Variants in MALRD1 observed in about 807,000 individuals in gnomAD.
The protein encoded by MALRD1 is MAM and LDL receptor class A domain containing 1, also known as MAM and LDL-receptor class A domain-containing protein 1.
A neutral mutation model predicts 242.1 loss-of-function variants in MALRD1; 247 were observed. That is an observed-to-expected ratio of 1.02 (90% CI 0.92 to 1.13). The LOEUF (loss-of-function observed/expected upper bound fraction) is 1.13, where lower values mean the gene tolerates loss of function less well. Ranked by LOEUF, MALRD1 falls within the 50% of genes most tolerant of loss-of-function variation. The pLI, the probability that MALRD1 is intolerant of heterozygous loss-of-function variation, is 0.00. For synonymous variants in MALRD1, 995 were observed against 866.6 expected, an observed-to-expected ratio of 1.15 and a Z score of -2.60; for missense variants, 2,989 against 2,533.1, an observed-to-expected ratio of 1.18 and a Z score of -3.86.
chr10:19,693,755 C>T (rs1228615322), intron 38 of MALRD1, among the ~76,000 whole-genome samples: 3 of 152,250 alleles, frequency 2.0e-5, no homozygotes, highest in East Asian at 3.9e-4. Flanking sequence ...CAAAAAAGAG[C>T]CCGCATTGCC....
chr10:19,686,097 G>A (rs59849389), intron 36 of MALRD1, among the ~76,000 whole-genome samples: 2 of 152,008 alleles, frequency 1.3e-5, no homozygotes, highest in Non-Finnish European at 2.9e-5. Flanking sequence ...TCCACCGAGG[G>A]GCATAAGACA....
At chr10:19,079,908 C>G (rs1835429939) in intron 2 of MALRD1, among the ~76,000 whole-genome samples, 1 of 151,998 alleles carries the variant, frequency 6.6e-6, no homozygotes, top group African/African-American at 2.4e-5. Context: ...AGCTGATAAG[C>G]AACTTCAGCA....
Position 19,194,844 on chromosome 10 carries a change from T to C in MALRD1, c.1952-8884T>C, listed in dbSNP as rs146254626. 7.9e-5 allele frequency among the ~76,000 whole-genome samples: 12 copies of C among 152,322 alleles called. No homozygotes were observed. In the East Asian group the frequency reaches 2.3e-3, roughly 29 times the overall value. ...AATCAGGACCCACAAGGGCCTTATA[T>C]TGTTACATCTAAAAGTCAATTCTTA... On this transcript the variant is annotated intron_variant, in intron 14 of 39. Coordinates refer to ENST00000454679, the MANE Select transcript of MALRD1 (RefSeq NM_001142308.3).
intron 36 of MALRD1, among the ~76,000 whole-genome samples, chr10:19,670,122 T>C (rs927995461): frequency 6.6e-6 from 1 of 151,190 alleles, no homozygotes; most frequent in Non-Finnish European, 1.5e-5. Context: ...AGTTATAACC[T>C]TAAATAGGCA....
intron 35 of MALRD1, among the ~76,000 whole-genome samples, chr10:19,610,757 T>G (rs1838857146): frequency 6.6e-6 from 1 of 152,056 alleles, no homozygotes; most frequent in Non-Finnish European, 1.5e-5. Context: ...GGTTTAGTTC[T>G]AGTTCAGATG....
Position 19,567,581 on chromosome 10 carries a change from G to C in MALRD1, c.5558G>C (p.Gly1853Ala). The C allele has an allele frequency of 1.3e-6, 2 of 1,550,496 alleles. No homozygotes were observed. The highest frequency in any genetic ancestry group is 1.2e-5 in the South Asian group (1 of 84,058). Residue 1853 changes from glycine (G) to alanine (A), a missense_variant, in exon 33 of 40, where the codon GGC (glycine) becomes GCC (alanine). Transcript: ENST00000454679. ...AATAAAAGAACGGGATGGACATATGGCTCTGTGCCTCTCTCCAGTAACAGT... is the reference window on the plus strand; with the variant it reads ...AATAAAAGAACGGGATGGACATATGCCTCTGTGCCTCTCTCCAGTAACAGT... Reference protein sequence around the residue: ...IGNKRTGWTYGSVPLSSNSPF... With the variant: ...IGNKRTGWTYASVPLSSNSPF...
At chr10:19,375,685 A>G (rs887290496) in intron 26 of MALRD1, among the ~76,000 whole-genome samples, 2 of 152,322 alleles carry the variant, frequency 1.3e-5, no homozygotes, top group African/African-American at 2.4e-5. Context: ...TCCTTGTTAT[A>G]AGGAGAGAGA....
At chr10:19,257,907 C>A in intron 19 of MALRD1, 136 bp downstream of exon 19, 1 of 559,054 alleles carries the variant, frequency 1.8e-6, no homozygotes, top group Non-Finnish European at 3.0e-6. Flanking sequence ...ACTATTAACT[C>A]TGGAAAAGAT....
chr10:19,712,464 T>G (rs1333313031), intron 38 of MALRD1, among the ~76,000 whole-genome samples: 1 of 152,182 alleles, frequency 6.6e-6, no homozygotes, highest in Non-Finnish European at 1.5e-5. Context: ...TGTAAAGGAA[T>G]TTGTGGATAT....
intron 5 of MALRD1, among the ~76,000 whole-genome samples, chr10:19,105,801 A>T (rs904050544): frequency 2.0e-5 from 3 of 151,810 alleles, no homozygotes; most frequent in South Asian, 4.1e-4. Context: ...AATTTTTTTC[A>T]TATTCTATTT....
chr10:19,546,162 G>A (rs1835199321), intron 32 of MALRD1, among the ~76,000 whole-genome samples: 2 of 152,198 alleles, frequency 1.3e-5, no homozygotes, highest in South Asian at 4.1e-4. Context: ...TCTATAGATG[G>A]ATGAGTCTAG....
intron 29 of MALRD1, among the ~76,000 whole-genome samples, chr10:19,452,220 T>C (rs1296944394): frequency 6.6e-6 from 1 of 152,184 alleles, no homozygotes; most frequent in African/African-American, 2.4e-5. Context: ...GATTCCTAGA[T>C]GGGTTGATTC....
At chr10:19,444,226 C>G (rs530594523) in intron 28 of MALRD1, among the ~76,000 whole-genome samples, 1 of 152,130 alleles carries the variant, frequency 6.6e-6, no homozygotes, top group East Asian at 1.9e-4. Context: ...TGGGTCTCCT[C>G]AATACAGCAC....
At chr10:19,585,738 C>T (rs976874773) in intron 33 of MALRD1, among the ~76,000 whole-genome samples, 4 of 152,044 alleles carry the variant, frequency 2.6e-5, no homozygotes, top group East Asian at 3.9e-4. Flanking sequence ...ATCTTTGTGG[C>T]GTTCTCTGTA....
chr10:19,162,717 G>C (rs768069650), intron 12 of MALRD1, among the ~76,000 whole-genome samples: 1 of 152,116 alleles, frequency 6.6e-6, no homozygotes, highest in Non-Finnish European at 1.5e-5. Context: ...GTTGATAGGA[G>C]TGTAGATTAG....
At chr10:19,426,359 T>C (rs186503258) in intron 28 of MALRD1, among the ~76,000 whole-genome samples, 1 of 152,324 alleles carries the variant, frequency 6.6e-6, no homozygotes, top group East Asian at 1.9e-4. Flanking sequence ...AGAGTTCAGT[T>C]CATTTGTCAC....
At chr10:19,340,241 C>G (rs745859340) in intron 24 of MALRD1, among the ~76,000 whole-genome samples, 3 of 152,076 alleles carry the variant, frequency 2.0e-5, no homozygotes, top group Non-Finnish European at 4.4e-5. Context: ...GGATATCTAC[C>G]CTCTCAAACA....
chr10:19,193,608 A>T (rs12414569), intron 14 of MALRD1, among the ~76,000 whole-genome samples: 9,912 of 152,224 alleles, frequency 0.065, 404 homozygotes, highest in East Asian at 0.19. Flanking sequence ...AAGACATGGG[A>T]ATATTAATGC....
chr10:19,631,674 T>C (rs1362038495), intron 36 of MALRD1, among the ~76,000 whole-genome samples: 1 of 152,186 alleles, frequency 6.6e-6, no homozygotes, highest in East Asian at 1.9e-4. Context: ...GACTTTTTAA[T>C]AATAGCCATT....
Sources: allele counts gnomAD v4.1 joint callset (sites outside exome capture counted in the v4.1 genomes callset), GRCh38; gene constraint gnomAD v4.1.1; transcripts MANE v1.5; gene names NCBI Gene and HGNC (gene_info 2026-07-23, HGNC 2026-07-21).